DHX15: variants seen among roughly 807,000 people sequenced by gnomAD.
DHX15 encodes the protein ATP-dependent RNA helicase DHX15.
Under a neutral mutation model 94.4 loss-of-function variants are expected in DHX15, and 11 were observed. That is an observed-to-expected ratio of 0.12 (90% CI 0.07 to 0.19). The LOEUF (loss-of-function observed/expected upper bound fraction) is 0.19, where lower values mean the gene tolerates loss of function less well. DHX15 is among the 10% of genes least tolerant of loss of function. DHX15 has a pLI of 1.00. For synonymous variants in DHX15, 338 were observed against 329.9 expected (o/e 1.02, Z -0.27); for missense variants, 304 against 988.5 (o/e 0.31, Z 9.29).
In DHX15 at chr4:24,532,987, A is replaced by G; in HGVS notation, c.1977T>C (p.Asn659=). The change falls in exon 12 of 14, where the codon AAT becomes AAC. Residue 659 remains asparagine (N), a synonymous_variant. Transcript: ENST00000336812. The part of the protein sequence containing the change: ...INYRSLMSAD[N]VRQQLSRIMD... ...TAATTCGAGATAGCTGCTGGCGTAC[A>G]TTGTCTGCGGACATCAGGGACCTGT... 1 of 1,614,142 alleles carries G rather than the reference A, an allele frequency of 6.2e-7. No homozygotes were observed. The highest frequency in any genetic ancestry group is 8.5e-7 in the Non-Finnish European group (1 of 1,179,992).
intron 1 of DHX15, chr4:24,580,884 A>T (rs1722396818): frequency 6.6e-6 from 1 of 152,124 alleles, no homozygotes; most frequent in Non-Finnish European, 1.5e-5. Context: ...GCAAATACGT[A>T]TGTATAAGGA....
intron 11 of DHX15, among the ~76,000 whole-genome samples, chr4:24,536,143 T>A (rs1721193414): frequency 6.6e-6 from 1 of 152,224 alleles, no homozygotes; most frequent in Non-Finnish European, 1.5e-5. Context: ...GTTATTATGT[T>A]TCCTCATTTA....
In DHX15 at chr4:24,542,029, G is replaced by A. The variant is rs370691839; in HGVS notation, c.1336-7C>T. 1.1e-4 allele frequency: 175 copies of A among 1,582,280 alleles called. No individual in the cohort carries two copies. Among genetic ancestry groups the A allele is most frequent in the Non-Finnish European group, 1.5e-4 (169 of 1,160,526 alleles). On this transcript the variant is annotated splice_polypyrimidine_tract_variant and splice_region_variant and intron_variant, in intron 7 of 13. Transcript: ENST00000336812. ...TGATTCGAGGATTGTAGACCTATTGGAATTGAAATAACACAAGAGTCTTTC... is the reference window on the plus strand; with the variant it reads ...TGATTCGAGGATTGTAGACCTATTGAAATTGAAATAACACAAGAGTCTTTC...
At chr4:24,531,256 T>G (rs1721078743) in intron 12 of DHX15, among the ~76,000 whole-genome samples, 1 of 151,962 alleles carries the variant, frequency 6.6e-6, no homozygotes, top group Admixed American at 6.6e-5. Context: ...GCCCGGCTAA[T>G]TTTTTGTATT....
At chr4:24,547,729 C>A (rs1209501543) in intron 6 of DHX15, among the ~76,000 whole-genome samples, 2 of 150,588 alleles carry the variant, frequency 1.3e-5, no homozygotes, top group Non-Finnish European at 3.0e-5. Context: ...GGAGGGGGGA[C>A]TGATTGAACC....
chr4:24,583,728 T>C (rs1486898228), intron 1 of DHX15, among the ~76,000 whole-genome samples: 1 of 152,044 alleles, frequency 6.6e-6, no homozygotes, highest in Non-Finnish European at 1.5e-5. Flanking sequence ...CGGCAGGTCC[T>C]CTACTCCCAC....
chr4:24,570,291 A>G lies in DHX15; in HGVS notation c.701+363T>C, dbSNP rs568620032. On this transcript the variant is annotated intron_variant, in intron 3 of 13. Coordinates refer to ENST00000336812, the MANE Select transcript of DHX15 (RefSeq NM_001358.3). ...AAATAAATCACATCCCATCCTATAC[A>G]TTCTTCTTTCTAAAAGTAGTTATCT... is the stretch of plus-strand genomic sequence containing the variant. Among the ~76,000 whole-genome samples the G allele has an allele frequency of 3.3e-5, 5 of 152,162 alleles. No homozygotes were observed. The South Asian group carries it at 1.0e-3, about 32-fold the overall frequency.
intron 12 of DHX15, among the ~76,000 whole-genome samples, chr4:24,531,983 C>T (rs1721093738): frequency 6.6e-6 from 1 of 152,224 alleles, no homozygotes; most frequent in South Asian, 2.1e-4. Context: ...CTGAGCCCAT[C>T]TGGCCTTAAG....
At chr4:24,546,144 T>A (rs1721419182) in intron 6 of DHX15, among the ~76,000 whole-genome samples, 1 of 152,168 alleles carries the variant, frequency 6.6e-6, no homozygotes, top group Non-Finnish European at 1.5e-5. Flanking sequence ...CCCAGGGAAC[T>A]CTGTGGTGGT....
In DHX15 at chr4:24,569,514, C is replaced by T. The variant is rs550451338; in HGVS notation, c.701+1140G>A. 1.1e-4 allele frequency among the ~76,000 whole-genome samples: 16 copies of T among 148,980 alleles called. No homozygotes were observed. The East Asian group carries it at 2.2e-3, about 21-fold the overall frequency. ...GGCTGAGGCAGGAGAATCGCTTGAACCCGGGAGGCGGAGGTTGCAGAGAGC... is the reference window on the plus strand; with the variant it reads ...GGCTGAGGCAGGAGAATCGCTTGAATCCGGGAGGCGGAGGTTGCAGAGAGC... On this transcript the variant is annotated intron_variant, in intron 3 of 13. Transcript: ENST00000336812.
chr4:24,543,625 TAAG>T (rs1471293454), intron 6 of DHX15, among the ~76,000 whole-genome samples: 2 of 152,172 alleles, frequency 1.3e-5, no homozygotes, highest in East Asian at 3.8e-4. Context: ...AAGCAACTGT[TAAG>T]AACTATAATT....
At chr4:24,542,428 T>C (rs1721331574) in intron 7 of DHX15, among the ~76,000 whole-genome samples, 2 of 152,160 alleles carry the variant, frequency 1.3e-5, no homozygotes, top group African/African-American at 4.8e-5. Flanking sequence ...TTTCCATCAA[T>C]AACAAAATGT....
Position 24,576,498 on chromosome 4 carries a change from G to A in DHX15, c.252C>T (p.His84=). Residue 84 remains histidine, a synonymous_variant, in exon 2 of 14, where the codon CAC becomes CAT. Coordinates refer to ENST00000336812, the MANE Select transcript of DHX15 (RefSeq NM_001358.3). ...GCGTTGAATGTGCTGAGTGGGTTGA[G>A]TGAGCTGAATGGGAAGCTTTCAAAG... ...LPPLKASHSA[H]STHSAHSTHS... is the part of the protein sequence containing the mutation. 6.2e-7 allele frequency: 1 copy of A among 1,614,176 alleles called. No individual in the cohort carries two copies. Among genetic ancestry groups the A allele is most frequent in the Non-Finnish European group, 8.5e-7 (1 of 1,180,030 alleles).
intron 5 of DHX15, among the ~76,000 whole-genome samples, chr4:24,553,793 A>G (rs1416865474): frequency 6.6e-6 from 1 of 152,100 alleles, no homozygotes; most frequent in Non-Finnish European, 1.5e-5. Context: ...CCCACCCCCA[A>G]AAAGAAAAAG....
intron 12 of DHX15, among the ~76,000 whole-genome samples, chr4:24,531,570 T>C (rs1721084807): frequency 6.6e-6 from 1 of 151,848 alleles, no homozygotes; most frequent in Admixed American, 6.5e-5. Flanking sequence ...AGGCAAAAAT[T>C]AGCTAGGCAT....
At chr4:24,562,629 T>C (rs575811987) in intron 3 of DHX15, among the ~76,000 whole-genome samples, 222 of 152,346 alleles carry the variant, frequency 1.5e-3, no homozygotes, top group Non-Finnish European at 2.1e-3. Context: ...CACTCTTAAC[T>C]AGCCTCCATG....
chr4:24,570,599 TAGC>T lies in DHX15; in HGVS notation c.701+52_701+54del. 3.9e-6 allele frequency: 6 copies of T among 1,543,026 alleles called. 1 individual carries two copies. In the South Asian group the frequency reaches 6.8e-5, roughly 17 times the overall value. ...TGCACTAGCAAAGTCTTCTATCTAA[TAGC>T]AGAAAATGGCAAGCAGAGGACTAAA... On this transcript the variant is annotated intron_variant, in intron 3 of 13. Coordinates refer to ENST00000336812, the MANE Select transcript of DHX15 (RefSeq NM_001358.3).
rs192390902 is a variant in DHX15, at chr4:24,574,131, A to C, written c.507+2112T>G. On this transcript the variant is annotated intron_variant, in intron 2 of 13. Transcript: ENST00000336812. ...TGAGGCAGGAGAATCACTTGAACCC[A>C]GGAGGAGGAGGTTGCAGAAAGCCAA... Among the ~76,000 whole-genome samples, 871 of 146,856 alleles carry C rather than the reference A, an allele frequency of 5.9e-3. 12 individuals are homozygous for C. The highest frequency in any genetic ancestry group is 0.02 in the African/African-American group (819 of 40,050).
chr4:24,550,199 G>A (rs115481837), intron 5 of DHX15, among the ~76,000 whole-genome samples: 17 of 151,336 alleles, frequency 1.1e-4, no homozygotes, highest in African/African-American at 4.1e-4. Context: ...CTGTGAGTGA[G>A]TGAGTACTTA....
Sources: allele counts gnomAD v4.1 joint callset (sites outside exome capture counted in the v4.1 genomes callset), GRCh38; gene constraint gnomAD v4.1.1; transcripts MANE v1.5; gene names NCBI Gene and HGNC (gene_info 2026-07-23, HGNC 2026-07-21).